The following EMSY variants were observed in gnomAD, a reference collection of about 807,000 sequenced individuals.
EMSY encodes the protein EMSY transcriptional repressor, BRCA2 interacting, also known as BRCA2-interacting transcriptional repressor EMSY.
Under a neutral mutation model 134.6 loss-of-function variants are expected in EMSY, and 26 were observed. The observed-to-expected ratio is 0.19, with a 90% confidence interval of 0.14 to 0.27. The LOEUF (loss-of-function observed/expected upper bound fraction) is 0.27, where lower values mean the gene tolerates loss of function less well. Ranked by LOEUF, EMSY falls within the 10% of genes least tolerant of loss-of-function variation. EMSY has a pLI of 1.00. For missense variants in EMSY, 1,305 were observed against 1,611.4 expected, an observed-to-expected ratio of 0.81 and a Z score of 3.26; for synonymous variants, 579 against 577.8, an observed-to-expected ratio of 1.00 and a Z score of -0.03.
Position 76,458,172 on chromosome 11 carries a change from T to C in EMSY, c.246-11T>C. On this transcript the variant is annotated splice_polypyrimidine_tract_variant and intron_variant, in intron 4 of 20. Coordinates refer to ENST00000334736, the Ensembl canonical transcript of EMSY. Reference sequence around the variant, plus strand: ...GAAAACCCTTGTAGCAGCGCTTTCTTTTTTGTTTAGTATGTCTGGACCTAA... The same window carrying C: ...GAAAACCCTTGTAGCAGCGCTTTCTCTTTTGTTTAGTATGTCTGGACCTAA... 6.3e-7 allele frequency: 1 copy of C among 1,593,048 alleles called. No individual in the cohort carries two copies. The highest frequency in any genetic ancestry group is 8.5e-7 in the Non-Finnish European group (1 of 1,171,494).
chr11:76,526,159 A>T (rs536721209), intron 12 of EMSY, among the ~76,000 whole-genome samples: 1 of 152,160 alleles, frequency 6.6e-6, no homozygotes, highest in African/African-American at 2.4e-5. Flanking sequence ...TTTTCTGACT[A>T]TTATAATATA....
chr11:76,487,902 AT>A (rs1025279446), intron 8 of EMSY, among the ~76,000 whole-genome samples: 23 of 152,168 alleles, frequency 1.5e-4, no homozygotes, highest in Non-Finnish European at 8.8e-5. Flanking sequence ...TTTACACCTG[AT>A]TTTTTTCTTT....
At chr11:76,473,093 A>G (rs1948637430) in intron 8 of EMSY, among the ~76,000 whole-genome samples, 1 of 152,216 alleles carries the variant, frequency 6.6e-6, no homozygotes, top group Admixed American at 6.5e-5. Flanking sequence ...AATGTAGGTT[A>G]AATCTCGTCA....
chr11:76,491,639 G>C (rs989492337), intron 8 of EMSY, among the ~76,000 whole-genome samples: 2 of 152,158 alleles, frequency 1.3e-5, no homozygotes, highest in East Asian at 3.9e-4. Flanking sequence ...CGTTTCCTAC[G>C]GATACCCTGC....
intron 7 of EMSY, among the ~76,000 whole-genome samples, chr11:76,464,357 T>A (rs1189208112): frequency 6.6e-6 from 1 of 152,224 alleles, no homozygotes; most frequent in East Asian, 1.9e-4. Context: ...TAATCCTATT[T>A]GGAAAAAATT....
intron 20 of EMSY, among the ~76,000 whole-genome samples, chr11:76,549,049 A>G (rs1951754229): frequency 6.6e-6 from 1 of 152,218 alleles, no homozygotes; most frequent in African/African-American, 2.4e-5. Flanking sequence ...GATAAATGCA[A>G]TGAACAAAAA....
intron 13 of EMSY, among the ~76,000 whole-genome samples, chr11:76,527,928 G>A (rs1471261357): frequency 3.3e-5 from 5 of 152,064 alleles, no homozygotes; most frequent in Admixed American, 1.3e-4. Flanking sequence ...GACTCCTTGT[G>A]TCTTTTTGTT....
At chr11:76,544,375 C>T (rs2136753038) in exon 19 of EMSY, 1 of 1,614,076 alleles carries the variant, frequency 6.2e-7, no homozygotes, top group South Asian at 1.1e-5. Context: ...ACCGATCTGC[C>T]CTGACTCAGT....
intron 8 of EMSY, among the ~76,000 whole-genome samples, chr11:76,483,500 A>G (rs941390361): frequency 6.6e-6 from 1 of 152,230 alleles, no homozygotes; most frequent in African/African-American, 2.4e-5. Flanking sequence ...TGCTGTATTC[A>G]GGAGACCCAT....
intron 20 of EMSY, among the ~76,000 whole-genome samples, chr11:76,547,594 CT>C (rs1951700462): frequency 6.6e-6 from 1 of 152,314 alleles, no homozygotes; most frequent in East Asian, 1.9e-4. Context: ...GTAATGCCTA[CT>C]TTACAGGATT....
chr11:76,473,033 C>T (rs373783248), intron 8 of EMSY, among the ~76,000 whole-genome samples, 193 bp downstream of exon 9: 2 of 152,130 alleles, frequency 1.3e-5, no homozygotes, highest in Non-Finnish European at 2.9e-5. Flanking sequence ...TATGCTTGCC[C>T]CAAGTTGTTT....
At chr11:76,471,944 A>G (rs1253090488) in intron 7 of EMSY, among the ~76,000 whole-genome samples, 1 of 152,138 alleles carries the variant, frequency 6.6e-6, no homozygotes, top group Admixed American at 6.5e-5. Flanking sequence ...CATGGTTCAT[A>G]TCCCTACTTC....
intron 10 of EMSY, 27 bp downstream of exon 11, chr11:76,513,562 T>G (rs769732538): frequency 6.2e-7 from 1 of 1,608,782 alleles, no homozygotes; most frequent in Admixed American, 1.7e-5. Flanking sequence ...ATCAGTTCAT[T>G]TATTCATCAT....
chr11:76,457,973 T>G (rs767661437), intron 4 of EMSY, among the ~76,000 whole-genome samples: 1 of 152,198 alleles, frequency 6.6e-6, no homozygotes, highest in African/African-American at 2.4e-5. Context: ...AGATTCAGAT[T>G]ATAGAATAAA....
intron 14 of EMSY, among the ~76,000 whole-genome samples, 172 bp from the exon 16 acceptor site, chr11:76,535,723 G>A (rs1951197750): frequency 6.6e-6 from 1 of 152,092 alleles, no homozygotes; most frequent in South Asian, 2.1e-4. Flanking sequence ...AGTGAATTCA[G>A]AAGTGAAAGA....
chr11:76,472,335 C>T (rs1001089032), intron 7 of EMSY, among the ~76,000 whole-genome samples: 3 of 152,048 alleles, frequency 2.0e-5, no homozygotes, highest in South Asian at 2.1e-4. Flanking sequence ...TCTTATACAG[C>T]GTTGATGTTA....
chr11:76,526,414 C>A, intron 12 of EMSY, 48 bp from the exon 14 acceptor site: 1 of 1,342,754 alleles, frequency 7.4e-7, no homozygotes, highest in Non-Finnish European at 1.0e-6. Flanking sequence ...AGGACTTTAT[C>A]ATTTATATGC....
Position 76,450,946 on chromosome 11 carries a change from AC to A in EMSY, c.71-910del, listed in dbSNP as rs200063003. Reference sequence around the variant, plus strand: ...GAGGCTGGAACTACAGGTGTGTACCACCACACCCAGCTAATTTTTTGTATTT... The same window carrying A: ...GAGGCTGGAACTACAGGTGTGTACCACACACCCAGCTAATTTTTTGTATTT... On this transcript the variant is annotated intron_variant, in intron 2 of 20. Coordinates refer to ENST00000334736, the Ensembl canonical transcript of EMSY. Among the ~76,000 whole-genome samples the A allele has an allele frequency of 6.0e-4, 91 of 151,740 alleles. 1 individual carries two copies. In the East Asian group the frequency reaches 0.016, roughly 27 times the overall value.
At chr11:76,452,344 C>A (rs1038382079) in intron 3 of EMSY, among the ~76,000 whole-genome samples, 1 of 152,088 alleles carries the variant, frequency 6.6e-6, no homozygotes, top group Admixed American at 6.5e-5. Context: ...AGGAAGATGC[C>A]TTAATTTACA....
Sources: gnomAD v4.1 joint callset for allele counts (sites outside exome capture counted in the v4.1 genomes callset) on GRCh38, gnomAD v4.1.1 for gene constraint, MANE v1.5 for transcripts, NCBI Gene and HGNC (gene_info 2026-07-23, HGNC 2026-07-21) for gene names.